Variants in GUCY2C observed in about 807,000 individuals in gnomAD.
The protein encoded by GUCY2C is guanylyl cyclase C.
GUCY2C carries 118 observed loss-of-function variants against 131.1 expected under a neutral mutation model. That is an observed-to-expected ratio of 0.90 (90% CI 0.78 to 1.05). The LOEUF (loss-of-function observed/expected upper bound fraction) is 1.05, where lower values mean the gene tolerates loss of function less well. Among genes scored for constraint, GUCY2C ranks in the 50% least tolerant of loss-of-function variants. The pLI is 0.00. For missense variants in GUCY2C, 1,161 were observed against 1,304.4 expected (o/e 0.89, Z 1.69); for synonymous variants, 452 against 457.8 (o/e 0.99, Z 0.16).
Position 14,676,923 on chromosome 12 carries a change from A to G in GUCY2C, c.879T>C (p.Asn293=). 3 of 1,574,098 alleles carry G rather than the reference A, an allele frequency of 1.9e-6. No individual in the cohort carries two copies. The highest frequency in any genetic ancestry group is 1.2e-5 in the South Asian group (1 of 85,866). ...CAGGAGACAGCGTCAGAACAAGGAC[A>G]TTTTTCATATAGTCAGGGGCTGTGA... ...DNVTAPDYMK[N]VLVLTLSPGN... The change falls in exon 7 of 27, where the codon AAT becomes AAC. Residue 293 remains asparagine (N), a synonymous_variant. Coordinates refer to ENST00000261170, the MANE Select transcript of GUCY2C (RefSeq NM_004963.4).
intron 16 of GUCY2C, among the ~76,000 whole-genome samples, chr12:14,644,196 G>A (rs1463535258): frequency 5.5e-5 from 2 of 36,208 alleles, no homozygotes; most frequent in African/African-American, 6.3e-5. Flanking sequence ...TTCAAAAGGG[G>A]AAGCCTGGCC....
At chr12:14,658,729 T>C (rs796134554) in intron 11 of GUCY2C, among the ~76,000 whole-genome samples, 29 of 152,232 alleles carry the variant, frequency 1.9e-4, no homozygotes, top group African/African-American at 6.3e-4. Context: ...TTCTAAGTTT[T>C]GAAGCTTGAT....
At chr12:14,664,073 AGACATGT>A (rs772775873) in intron 10 of GUCY2C, among the ~76,000 whole-genome samples, 3 of 152,190 alleles carry the variant, frequency 2.0e-5, no homozygotes, top group Non-Finnish European at 2.9e-5. Context: ...TATGCTTTGC[AGACATGT>A]GACTTTGCCT....
chr12:14,660,583 A>G (rs1947848501), intron 11 of GUCY2C, among the ~76,000 whole-genome samples: 1 of 152,240 alleles, frequency 6.6e-6, no homozygotes, highest in African/African-American at 2.4e-5. Flanking sequence ...CTCCCACAAT[A>G]TAACAGCATA....
At chr12:14,635,461 A>G (rs948740301) in intron 19 of GUCY2C, among the ~76,000 whole-genome samples, 1 of 152,182 alleles carries the variant, frequency 6.6e-6, no homozygotes, top group Non-Finnish European at 1.5e-5. Flanking sequence ...CAGCGAAAGT[A>G]CTGCTAAGAG....
At chr12:14,632,680 C>A (rs1050802866) in intron 19 of GUCY2C, among the ~76,000 whole-genome samples, 1 of 152,168 alleles carries the variant, frequency 6.6e-6, no homozygotes, top group Non-Finnish European at 1.5e-5. Context: ...TTGAGAATGA[C>A]CCCTGCCTAC....
Position 14,613,818 on chromosome 12 carries a change from G to A in GUCY2C, c.3048-527C>T, listed in dbSNP as rs542157191. Among the ~76,000 whole-genome samples, 1 of 152,086 alleles carries A rather than the reference G, an allele frequency of 6.6e-6. No individual in the cohort carries two copies. The highest frequency in any genetic ancestry group is 1.5e-5 in the Non-Finnish European group (1 of 68,010). ...CCATCTCTCTGGGTCTGACATCTAG[G>A]CCTCTGCAAGACAGAGTTTCTCAAC... On this transcript the variant is annotated intron_variant, in intron 26 of 26. Coordinates refer to ENST00000261170, the MANE Select transcript of GUCY2C (RefSeq NM_004963.4). This position sits in a 1 kb window ranked among gnomAD's most constrained non-coding sequence, Gnocchi z 4.9.
chr12:14,632,918 C>G (rs1172482892), intron 19 of GUCY2C, among the ~76,000 whole-genome samples: 1 of 152,174 alleles, frequency 6.6e-6, no homozygotes, highest in Non-Finnish European at 1.5e-5. Context: ...ACTTGTGGAC[C>G]TGCAGACTGG....
At chr12:14,626,142 C>A (rs1947010093) in intron 20 of GUCY2C, among the ~76,000 whole-genome samples, 1 of 152,092 alleles carries the variant, frequency 6.6e-6, no homozygotes, top group South Asian at 2.1e-4. Context: ...GAGTTTGAGA[C>A]CAGCCTGACC....
chr12:14,643,867 G>A (rs1158957325), intron 16 of GUCY2C, among the ~76,000 whole-genome samples, 161 bp from the exon 17 acceptor site: 1 of 152,000 alleles, frequency 6.6e-6, no homozygotes. Context: ...TATTACTGAA[G>A]CCCTAATATT....
At chr12:14,695,468 G>T (rs1439464351) in intron 1 of GUCY2C, among the ~76,000 whole-genome samples, 1 of 151,972 alleles carries the variant, frequency 6.6e-6, no homozygotes, top group Non-Finnish European at 1.5e-5. Flanking sequence ...AGGCATGGTG[G>T]TGGGCACCTG....
chr12:14,683,057 G>A lies in GUCY2C; in HGVS notation c.596C>T (p.Thr199Ile), dbSNP rs1948381771. The A allele has an allele frequency of 6.2e-7, 1 of 1,610,058 alleles. No individual in the cohort carries two copies. The highest frequency in any genetic ancestry group is 1.3e-5 in the African/African-American group (1 of 74,818). The change falls in exon 4 of 27, where the codon ACT (threonine) becomes ATT (isoleucine). Residue 199 changes from threonine (T) to isoleucine (I), a missense_variant. Transcript: ENST00000261170. The part of the protein sequence containing the change: ...TSYVYKNGTE[T>I]EDCFWYLNAL... ...TCCTGCTTACCAGAAACAGTCCTCA[G>A]TTTCTGTACCATTCTTGTAAACATA...
intron 21 of GUCY2C, among the ~76,000 whole-genome samples, chr12:14,624,848 G>A (rs1946974429): frequency 6.6e-6 from 1 of 152,188 alleles, no homozygotes; most frequent in Non-Finnish European, 1.5e-5. Flanking sequence ...AACCACTTGA[G>A]TGACATTAAT....
At chr12:14,664,247 CCACTTCCAT>C (rs1245968848) in intron 10 of GUCY2C, among the ~76,000 whole-genome samples, 1 of 152,140 alleles carries the variant, frequency 6.6e-6, no homozygotes, top group Non-Finnish European at 1.5e-5. Context: ...ACTACAATCA[CCACTTCCAT>C]CACTATCACC....
In GUCY2C at chr12:14,645,273, T is replaced by G. The variant is rs766225753; in HGVS notation, c.1753A>C (p.Met585Leu). Residue 585 changes from methionine to leucine, a missense_variant, in exon 16 of 27, where the codon ATG (methionine) becomes CTG (leucine). Coordinates refer to ENST00000261170, the MANE Select transcript of GUCY2C (RefSeq NM_004963.4). ...DTISYPDGTF[M>L]DWEFKISVLY... ...ACAGAGATCTTAAACTCCCAATCCATGAATGTGCCATCAGGGTAGGAAATT... is the reference window on the plus strand; with the variant it reads ...ACAGAGATCTTAAACTCCCAATCCAGGAATGTGCCATCAGGGTAGGAAATT... 3 of 1,598,186 alleles carry G rather than the reference T, an allele frequency of 1.9e-6. No individual in the cohort carries two copies. The highest frequency in any genetic ancestry group is 2.6e-6 in the Non-Finnish European group (3 of 1,165,920).
rs578030989 is a variant in GUCY2C at position 14,690,037 on chromosome 12, G to GA, written c.218-1975dup. On this transcript the variant is annotated intron_variant, in intron 1 of 26. Coordinates refer to ENST00000261170, the MANE Select transcript of GUCY2C (RefSeq NM_004963.4). ...ATTGTGTAACATTACAAAATTGCCA[G>GA]AAAACCCCTTTGTCTTTAAAATACA... Among the ~76,000 whole-genome samples the GA allele has an allele frequency of 9.9e-5, 15 of 152,256 alleles. No homozygotes were observed. In the South Asian group the frequency reaches 3.1e-3, roughly 32 times the overall value.
At chr12:14,667,999 CTTTTTTTT>C (rs11355096) in intron 10 of GUCY2C, among the ~76,000 whole-genome samples, 5 of 76,512 alleles carry the variant, frequency 6.5e-5, no homozygotes, top group South Asian at 4.7e-4. Context: ...TAATAATTTT[CTTTTTTTT>C]TTTTTTTTTT....
chr12:14,632,864 T>A (rs1041532749), intron 19 of GUCY2C, among the ~76,000 whole-genome samples: 1 of 152,048 alleles, frequency 6.6e-6, no homozygotes, highest in African/African-American at 2.4e-5. Flanking sequence ...GGGGGCCACA[T>A]AACCTGCTGC....
chr12:14,659,941 A>G (rs1947834038), intron 11 of GUCY2C, among the ~76,000 whole-genome samples: 1 of 152,186 alleles, frequency 6.6e-6, no homozygotes, highest in Non-Finnish European at 1.5e-5. Flanking sequence ...TCTTAAAGTG[A>G]TTCCCATTTA....
Sources: gnomAD v4.1 joint callset for allele counts (sites outside exome capture counted in the v4.1 genomes callset) on GRCh38, gnomAD v4.1.1 for gene constraint, Gnocchi (gnomAD v3.1) non-coding constraint, MANE v1.5 for transcripts, NCBI Gene and HGNC (gene_info 2026-07-23, HGNC 2026-07-21) for gene names.